Variants in ARSG observed in about 807,000 individuals in gnomAD.
ARSG encodes the protein ASG.
A neutral mutation model predicts 50.5 loss-of-function variants in ARSG; 37 were observed. That is an observed-to-expected ratio of 0.73 (90% CI 0.56 to 0.96). ARSG has a LOEUF of 0.96. ARSG is among the 50% of genes least tolerant of loss of function. The probability of loss-of-function intolerance (pLI) is 0.00; values close to 1 mark genes in which losing one functional copy is unlikely to be tolerated. For synonymous variants in ARSG, 225 were observed against 254.6 expected (o/e 0.88, Z 1.11); for missense variants, 629 against 675.3 (o/e 0.93, Z 0.76).
chr17:68,449,412 C>T, the ARSG span, among the ~76,000 whole-genome samples: 1 of 152,146 alleles, frequency 6.6e-6, no homozygotes, highest in African/African-American at 2.4e-5. Flanking sequence ...GATCCTTGAG[C>T]CCAGGAGTTT....
chr17:68,298,108 G>C (rs1157824350), intron 1 of ARSG, among the ~76,000 whole-genome samples: 1 of 151,908 alleles, frequency 6.6e-6, no homozygotes, highest in African/African-American at 2.4e-5. Flanking sequence ...CTGAATCCCG[G>C]ATACATACTC....
At chr17:68,375,810 G>A (rs1334649442) in intron 8 of ARSG, among the ~76,000 whole-genome samples, 1 of 152,162 alleles carries the variant, frequency 6.6e-6, no homozygotes, top group Non-Finnish European at 1.5e-5. Context: ...CCCTGTGTCT[G>A]TGAGTCTGGA....
intron 1 of ARSG, among the ~76,000 whole-genome samples, chr17:68,263,552 C>T (rs2075106325): frequency 1.3e-5 from 2 of 152,228 alleles, no homozygotes; most frequent in African/African-American, 4.8e-5. Context: ...TCACTGCAAC[C>T]TCTGCCTTCT....
chr17:68,268,789 G>A (rs1169945413), intron 1 of ARSG: 37 of 301,674 alleles, frequency 1.2e-4, no homozygotes, highest in Non-Finnish European at 2.0e-4. Context: ...TTTTAATATC[G>A]GAATGTGAAC....
chr17:68,421,054 C>T (rs909213895), downstream of ARSG: 1 of 155,030 alleles, frequency 6.5e-6, no homozygotes, highest in Admixed American at 6.3e-5. Context: ...TCGAGTAGAT[C>T]CTGAAATCCT....
chr17:68,426,097 T>C, downstream of ARSG: 1 of 1,612,748 alleles, frequency 6.2e-7, no homozygotes, highest in South Asian at 1.1e-5. Flanking sequence ...ATTCTCATCA[T>C]CAAGACACAC....
intron 2 of ARSG, among the ~76,000 whole-genome samples, chr17:68,335,385 C>A (rs1199362248): frequency 1.3e-5 from 2 of 151,880 alleles, no homozygotes; most frequent in Non-Finnish European, 2.9e-5. Context: ...AACCTCGTCT[C>A]TACTAAAAAT....
chr17:68,298,845 T>C (rs536553459), intron 1 of ARSG, among the ~76,000 whole-genome samples: 2 of 152,134 alleles, frequency 1.3e-5, no homozygotes, highest in South Asian at 4.1e-4. Flanking sequence ...CATTATCTCA[T>C]GACCTCATCT....
At chr17:68,374,456 C>T (rs908128137) in intron 8 of ARSG, among the ~76,000 whole-genome samples, 1 of 152,172 alleles carries the variant, frequency 6.6e-6, no homozygotes, top group African/African-American at 2.4e-5. Context: ...TGAGGACTTG[C>T]CTTATTGATC....
chr17:68,405,131 T>TC (rs2147274001), intron 11 of ARSG, among the ~76,000 whole-genome samples: 1 of 103,724 alleles, frequency 9.6e-6, no homozygotes, highest in African/African-American at 8.1e-5. Flanking sequence ...AGCTTTGGGC[T>TC]TTTTTTTTTT....
intron 8 of ARSG, among the ~76,000 whole-genome samples, chr17:68,377,875 TG>T (rs1226243182): frequency 6.6e-6 from 1 of 152,184 alleles, no homozygotes; most frequent in African/African-American, 2.4e-5. Flanking sequence ...GTGGGATCGG[TG>T]GGTGACAGCA....
chr17:68,280,145 G>T (rs145861950), intron 1 of ARSG, among the ~76,000 whole-genome samples: 2,298 of 134,900 alleles, frequency 0.017, 63 homozygotes, highest in African/African-American at 0.062. Flanking sequence ...CTGCACCACT[G>T]CACTCCAGCC....
rs1345128439 is a variant in ARSG, at chr17:68,281,657, G to GA, written c.-552+22237dup. On this transcript the variant is annotated intron_variant, in intron 1 of 11. Coordinates refer to the ARSG transcript ENST00000448504. ...ACATACATATGGCCAACAAATATATGAAAAAATGCTCAACATCACAAATCA... is the reference window on the plus strand; with the variant it reads ...ACATACATATGGCCAACAAATATATGAAAAAAATGCTCAACATCACAAATCA... Among the ~76,000 whole-genome samples, 4 of 152,184 alleles carry GA rather than the reference G, an allele frequency of 2.6e-5. No homozygotes were observed. In the South Asian group the frequency reaches 6.2e-4, roughly 24 times the overall value.
chr17:68,293,641 G>A (rs1196380195), intron 1 of ARSG, among the ~76,000 whole-genome samples: 2 of 152,112 alleles, frequency 1.3e-5, no homozygotes, highest in Non-Finnish European at 2.9e-5. Flanking sequence ...AACCGCATCA[G>A]TAACCTTCTG....
intron 2 of ARSG, among the ~76,000 whole-genome samples, chr17:68,309,484 G>A (rs1426934131): frequency 6.6e-6 from 1 of 152,248 alleles, no homozygotes; most frequent in Non-Finnish European, 1.5e-5. Context: ...AGGATCACTG[G>A]AGCCCAGGAG....
At chr17:68,433,667 G>T in the ARSG span, 1 of 915,236 alleles carries the variant, frequency 1.1e-6, no homozygotes, top group Non-Finnish European at 1.7e-6. Flanking sequence ...AAAATCAGAT[G>T]TATCCTGAAG....
chr17:68,446,618 C>T, the ARSG span, among the ~76,000 whole-genome samples: 1 of 152,322 alleles, frequency 6.6e-6, no homozygotes, highest in African/African-American at 2.4e-5. Context: ...TATCCAATCA[C>T]TGTGCCTTTT....
At chr17:68,424,872 G>A (rs552525451), downstream of ARSG, among the ~76,000 whole-genome samples, 17 of 152,284 alleles carry the variant, frequency 1.1e-4, no homozygotes, top group African/African-American at 2.2e-4. Context: ...GCAAGACTCC[G>A]TCTCAAAAAC....
chr17:68,391,610 T>A (rs2080994693), intron 9 of ARSG, among the ~76,000 whole-genome samples: 1 of 152,212 alleles, frequency 6.6e-6, no homozygotes, highest in South Asian at 2.1e-4. Flanking sequence ...ATTTGACCCA[T>A]CTGTGACGCT....
Sources: allele counts gnomAD v4.1 joint callset (sites outside exome capture counted in the v4.1 genomes callset), GRCh38; gene constraint gnomAD v4.1.1; transcripts MANE v1.5; gene names NCBI Gene and HGNC (gene_info 2026-07-23, HGNC 2026-07-21).